CSGALNACT1: variants seen among roughly 807,000 people sequenced by gnomAD.
The protein encoded by CSGALNACT1 is beta4GalNAcT-1.
CSGALNACT1 carries 52 observed loss-of-function variants against 51.0 expected under a neutral mutation model. The observed-to-expected ratio is 1.02, with a 90% CI of 0.82 to 1.29. The LOEUF is 1.29. Among genes scored for constraint, CSGALNACT1 ranks in the 50% most tolerant of loss-of-function variants. CSGALNACT1 has a pLI of 0.00. For missense variants in CSGALNACT1, 935 were observed against 679.2 expected (o/e 1.38, Z -4.19); for synonymous variants, 341 against 254.4 (o/e 1.34, Z -3.24).
chr8:19,467,439 C>T (rs1037956461), intron 4 of CSGALNACT1, among the ~76,000 whole-genome samples: 2 of 151,974 alleles, frequency 1.3e-5, no homozygotes, highest in East Asian at 3.9e-4. Flanking sequence ...CAGTTGACTT[C>T]CTTTTCAGAG....
exon 6 of CSGALNACT1, chr8:19,439,929 T>C: frequency 1.9e-6 from 3 of 1,613,538 alleles, no homozygotes; most frequent in Non-Finnish European, 2.5e-6. Flanking sequence ...AATGCACATC[T>C]CCCTGGAAAA....
chr8:19,571,526 T>A (rs1199740796), intron 3 of CSGALNACT1, among the ~76,000 whole-genome samples: 3 of 151,060 alleles, frequency 2.0e-5, no homozygotes, highest in Non-Finnish European at 1.5e-5. Context: ...CCACTCTTTC[T>A]CCCCAACTAA....
At chr8:19,512,072 C>G (rs6988743) in intron 3 of CSGALNACT1, among the ~76,000 whole-genome samples, 8 of 151,970 alleles carry the variant, frequency 5.3e-5, no homozygotes, top group African/African-American at 1.5e-4. Context: ...GAACCAAACC[C>G]TATCAGTGAC....
intron 1 of CSGALNACT1, among the ~76,000 whole-genome samples, chr8:19,611,215 G>T (rs2052211493): frequency 6.6e-6 from 1 of 152,192 alleles, no homozygotes; most frequent in Non-Finnish European, 1.5e-5. Flanking sequence ...GAATTCAGCA[G>T]GTTTCACAAA....
chr8:19,685,970 G>A (rs902100749), upstream of CSGALNACT1, among the ~76,000 whole-genome samples: 2 of 152,186 alleles, frequency 1.3e-5, no homozygotes, highest in Admixed American at 1.3e-4. Context: ...CCATACTCAT[G>A]TATCGAAACA....
intron 4 of CSGALNACT1, among the ~76,000 whole-genome samples, chr8:19,469,187 C>T (rs888643888): frequency 4.6e-5 from 7 of 152,022 alleles, no homozygotes; most frequent in South Asian, 2.1e-4. Context: ...GCCAAGAGTT[C>T]GAGAGCAGTC....
intron 1 of CSGALNACT1, among the ~76,000 whole-genome samples, chr8:19,680,979 G>T (rs763191599): frequency 1.3e-5 from 2 of 152,046 alleles, no homozygotes; most frequent in African/African-American, 4.8e-5. Context: ...TGAAAACTGC[G>T]TGTGACTGTA....
intron 4 of CSGALNACT1, among the ~76,000 whole-genome samples, chr8:19,470,414 C>G (rs1029348633): frequency 1.3e-5 from 2 of 152,112 alleles, no homozygotes; most frequent in African/African-American, 2.4e-5. Flanking sequence ...GCAGCGAGGC[C>G]AGAGAGCATG....
chr8:19,523,126 C>G (rs1363998794), intron 3 of CSGALNACT1, among the ~76,000 whole-genome samples: 1 of 152,232 alleles, frequency 6.6e-6, no homozygotes, highest in African/African-American at 2.4e-5. Flanking sequence ...AGAGTTCCAT[C>G]TCACGTAACA....
chr8:19,486,574 T>A (rs1159322008), intron 4 of CSGALNACT1, among the ~76,000 whole-genome samples: 4 of 152,176 alleles, frequency 2.6e-5, no homozygotes, highest in Admixed American at 2.6e-4. Flanking sequence ...TAGCTGTTCC[T>A]TCCATCTGGA....
At position 19,718,939 on chromosome 8, in the gene CSGALNACT1, C is replaced by G. The variant is rs76154968; in HGVS notation, c.-297+38911G>C. Reference sequence around the variant, plus strand: ...GACGTATTATGGCTATTAACATACGCCCTGCAAGATCTCTCACCGTTGTAA... The same window carrying G: ...GACGTATTATGGCTATTAACATACGGCCTGCAAGATCTCTCACCGTTGTAA... On this transcript the variant is annotated intron_variant, in intron 1 of 1. Transcript: ENST00000517494. Among the ~76,000 whole-genome samples, 1,577 of 152,262 alleles carry G rather than the reference C, an allele frequency of 0.01. 96 individuals carry two copies. In the East Asian group the frequency reaches 0.17, roughly 16 times the overall value.
At chr8:19,518,672 A>G (rs186815631) in intron 3 of CSGALNACT1, among the ~76,000 whole-genome samples, 347 of 152,190 alleles carry the variant, frequency 2.3e-3, no homozygotes, top group African/African-American at 7.8e-3. Context: ...TAAACTCCTC[A>G]TGTGTGTCCG....
intron 8 of CSGALNACT1, among the ~76,000 whole-genome samples, chr8:19,417,844 C>T (rs1189805960): frequency 6.6e-6 from 1 of 152,164 alleles, no homozygotes; most frequent in Non-Finnish European, 1.5e-5. Context: ...CCAATGCTGT[C>T]AACAATACCG....
chr8:19,539,645 C>G (rs952430899), intron 3 of CSGALNACT1, among the ~76,000 whole-genome samples: 1 of 152,122 alleles, frequency 6.6e-6, no homozygotes, highest in Non-Finnish European at 1.5e-5. Context: ...GGTGGCAGTC[C>G]TACTAAATAC....
Position 19,466,228 on chromosome 8 carries a change from T to C in CSGALNACT1, c.635-7586A>G, listed in dbSNP as rs536277273. On this transcript the variant is annotated intron_variant, in intron 4 of 9. Coordinates refer to ENST00000454498, the Ensembl canonical transcript of CSGALNACT1. ...AGGCAGAAATGCTGAGAGTGGTAAA[T>C]ACTGTCAGGCAACCAACTGACAGAA... Among the ~76,000 whole-genome samples, 4 of 152,282 alleles carry C rather than the reference T, an allele frequency of 2.6e-5. No individual in the cohort carries two copies. The South Asian group carries it at 8.3e-4, about 32-fold the overall frequency.
intron 1 of CSGALNACT1, among the ~76,000 whole-genome samples, chr8:19,670,295 G>A (rs150211731): frequency 2.0e-5 from 3 of 152,042 alleles, no homozygotes; most frequent in African/African-American, 7.2e-5. Context: ...AGCTTTTGTG[G>A]AATTGAATAA....
intron 1 of CSGALNACT1, among the ~76,000 whole-genome samples, chr8:19,677,819 G>A (rs1033181715): frequency 1.3e-5 from 2 of 152,138 alleles, no homozygotes; most frequent in African/African-American, 4.8e-5. Flanking sequence ...AATTCAGCAG[G>A]GGCATAGGTA....
intron 1 of CSGALNACT1, among the ~76,000 whole-genome samples, chr8:19,611,785 G>A (rs947683630): frequency 6.6e-6 from 1 of 152,026 alleles, no homozygotes; most frequent in South Asian, 2.1e-4. Flanking sequence ...CAGCAGAAAC[G>A]GTAAGTAGTA....
intron 3 of CSGALNACT1, among the ~76,000 whole-genome samples, chr8:19,548,755 T>C (rs998898886): frequency 1.3e-5 from 2 of 152,194 alleles, no homozygotes; most frequent in Non-Finnish European, 1.5e-5. Context: ...AAAGACACTT[T>C]CAACTCTTTT....
Sources: allele counts gnomAD v4.1 joint callset (sites outside exome capture counted in the v4.1 genomes callset), GRCh38; gene constraint gnomAD v4.1.1; transcripts MANE v1.5; gene names NCBI Gene and HGNC (gene_info 2026-07-23, HGNC 2026-07-21).